FOXN3: variants seen among roughly 807,000 people sequenced by gnomAD.
The protein encoded by FOXN3 is forkhead box N3.
In FOXN3, 7 loss-of-function variants were observed where a neutral mutation model predicts 38.4. The ratio of observed to expected loss-of-function variants is 0.18; its 90% confidence interval spans 0.10 to 0.34. FOXN3 has a LOEUF of 0.34. Among genes scored for constraint, FOXN3 ranks in the 10% least tolerant of loss-of-function variants. The pLI is 1.00. For missense variants in FOXN3, 456 were observed against 613.4 expected, an observed-to-expected ratio of 0.74 and a Z score of 2.71; for synonymous variants, 230 against 242.2, an observed-to-expected ratio of 0.95 and a Z score of 0.47.
At chr14:89,257,505 G>A (rs1029962742) in intron 4 of FOXN3, among the ~76,000 whole-genome samples, 5 of 152,168 alleles carry the variant, frequency 3.3e-5, no homozygotes. Flanking sequence ...TGTATAATCC[G>A]ATCCTGTGGG....
At chr14:89,447,174 C>G (rs529853274) in intron 1 of FOXN3, among the ~76,000 whole-genome samples, 4 of 137,498 alleles carry the variant, frequency 2.9e-5, no homozygotes, top group African/African-American at 5.5e-5. Context: ...CCAGCCTGGA[C>G]AACAAGAGCA....
At chr14:89,299,927 T>C (rs1354066289) in intron 3 of FOXN3, among the ~76,000 whole-genome samples, 1 of 152,242 alleles carries the variant, frequency 6.6e-6, no homozygotes, top group African/African-American at 2.4e-5. Context: ...AGTAAAAATA[T>C]CATTTCAACT....
At chr14:89,448,125 T>TAC in intron 1 of FOXN3, among the ~76,000 whole-genome samples, 1 of 152,162 alleles carries the variant, frequency 6.6e-6, no homozygotes, top group Admixed American at 6.5e-5. Flanking sequence ...CCTTTCTTCT[T>TAC]ACATGTACAC....
intron 4 of FOXN3, among the ~76,000 whole-genome samples, chr14:89,219,536 C>T (rs958717317): frequency 1.3e-5 from 2 of 152,168 alleles, no homozygotes; most frequent in African/African-American, 2.4e-5. Flanking sequence ...TTCCTTAGCC[C>T]GTGTTCCCCG....
chr14:89,428,696 T>C (rs1174386742), intron 1 of FOXN3, among the ~76,000 whole-genome samples: 1 of 152,164 alleles, frequency 6.6e-6, no homozygotes, highest in East Asian at 1.9e-4. Context: ...CTGCCCACGT[T>C]GGTGACGGCA....
In FOXN3 at chr14:89,162,670, T is replaced by C. The variant is rs1887134218; in HGVS notation, c.1151A>G (p.Lys384Arg). ...GTACCCGCTGTCCCCCAGAGAATCCTTGGGCTCCTTCTGGCTGTGCTTCCT... is the reference window on the plus strand; with the variant it reads ...GTACCCGCTGTCCCCCAGAGAATCCCTGGGCTCCTTCTGGCTGTGCTTCCT... ...DDRKHSQKEP[K>R]DSLGDSGYAS... The change falls in exon 6 of 6, where the codon AAG becomes AGG. Residue 384 changes from lysine to arginine, a missense_variant. Around this residue, in one of 3 missense-constraint regions of FOXN3, gnomAD observed 386 missense variants for 505.2 expected, o/e 0.76. Transcript: ENST00000557258. The surrounding 1 kb of genome is among the most constrained non-coding windows in gnomAD (Gnocchi z 7.2). The C allele has an allele frequency of 6.2e-7, 1 of 1,614,082 alleles. No homozygotes were observed. The highest frequency in any genetic ancestry group is 8.5e-7 in the Non-Finnish European group (1 of 1,179,986).
chr14:89,314,377 C>A (rs1274355714), intron 3 of FOXN3, among the ~76,000 whole-genome samples: 1 of 152,146 alleles, frequency 6.6e-6, no homozygotes, highest in Non-Finnish European at 1.5e-5. Context: ...GGGTCTTTGG[C>A]AGTGAGTGTT....
chr14:89,390,224 TAA>T (rs34247933), intron 2 of FOXN3, among the ~76,000 whole-genome samples: 18,131 of 141,736 alleles, frequency 0.13, 1,370 homozygotes, highest in East Asian at 0.36. Flanking sequence ...AGACTCCCTT[TAA>T]AAAAAAAAAA....
chr14:89,399,635 A>C (rs1891194951), intron 2 of FOXN3, among the ~76,000 whole-genome samples: 1 of 152,188 alleles, frequency 6.6e-6, no homozygotes, highest in African/African-American at 2.4e-5. Context: ...TCCCTCTTGT[A>C]ATCTATTTCA....
chr14:89,176,692 G>A (rs924379141), intron 5 of FOXN3, among the ~76,000 whole-genome samples: 1 of 152,206 alleles, frequency 6.6e-6, no homozygotes, highest in African/African-American at 2.4e-5. Flanking sequence ...AAATTATGAT[G>A]AATGTGAAAA....
chr14:89,217,013 A>T (rs1444403634), intron 4 of FOXN3, among the ~76,000 whole-genome samples: 1 of 152,198 alleles, frequency 6.6e-6, no homozygotes, highest in Non-Finnish European at 1.5e-5. Context: ...ATTCTGTTGA[A>T]GATAACTCTT....
chr14:89,472,443 G>A lies in FOXN3; in HGVS notation c.-14-59953C>T, dbSNP rs183175983. ...TGCATTAAGATAGATTGTGCAGGCC[G>A]GGCGCGGTGGCTCACGCCTGTAATC... is the stretch of plus-strand genomic sequence containing the variant. On this transcript the variant is annotated intron_variant, in intron 1 of 6. Transcript: ENST00000345097. Among the ~76,000 whole-genome samples the A allele has an allele frequency of 5.7e-3, 858 of 151,002 alleles. 5 individuals carry two copies. The highest frequency in any genetic ancestry group is 6.8e-3 in the Non-Finnish European group (462 of 67,678).
chr14:89,362,519 TCTCTACGACCACCA>T (rs1566968181), intron 2 of FOXN3, among the ~76,000 whole-genome samples: 3 of 144 alleles, frequency 0.021, 1 homozygote, highest in African/African-American at 0.037. Flanking sequence ...ACCACCACCA[TCTCTACGACCACCA>T]CCACCACCAT....
At chr14:89,528,376 CTTT>C (rs55935162) in intron 1 of FOXN3, among the ~76,000 whole-genome samples, 212 of 53,472 alleles carry the variant, frequency 4.0e-3, no homozygotes, top group African/African-American at 0.012. Context: ...ATGGATGAAT[CTTT>C]TTTTTTTTTT....
At chr14:89,607,983 A>T (rs1294654855) in intron 1 of FOXN3, among the ~76,000 whole-genome samples, 1 of 140,820 alleles carries the variant, frequency 7.1e-6, no homozygotes, top group Non-Finnish European at 1.5e-5. Flanking sequence ...CACCCAGCTA[A>T]TTTTTTTTTT....
At chr14:89,171,039 C>T (rs1254026091) in intron 5 of FOXN3, among the ~76,000 whole-genome samples, 2 of 148,016 alleles carry the variant, frequency 1.4e-5, no homozygotes, top group Non-Finnish European at 3.0e-5. Flanking sequence ...CAAAGTAGAG[C>T]TAATTTAAAA....
At chr14:89,232,182 C>A (rs1359921893) in intron 4 of FOXN3, among the ~76,000 whole-genome samples, 1 of 152,210 alleles carries the variant, frequency 6.6e-6, no homozygotes, top group Non-Finnish European at 1.5e-5. Flanking sequence ...CTGCTAGTAA[C>A]CTGGGCAGAA....
At chr14:89,531,120 T>A (rs1485909986) in intron 1 of FOXN3, among the ~76,000 whole-genome samples, 1 of 148,534 alleles carries the variant, frequency 6.7e-6, no homozygotes, top group East Asian at 1.9e-4. Context: ...CACACACACA[T>A]AATATATATA....
chr14:89,219,977 G>C (rs1191543099), intron 4 of FOXN3, among the ~76,000 whole-genome samples: 2 of 152,104 alleles, frequency 1.3e-5, no homozygotes, highest in Non-Finnish European at 2.9e-5. Context: ...GTCTGCAGTT[G>C]ACTATTTTTT....
Sources: gnomAD v4.1 joint callset for allele counts (sites outside exome capture counted in the v4.1 genomes callset) on GRCh38, gnomAD v4.1.1 for gene constraint, gnomAD v4.1.1 regional missense constraint, Gnocchi (gnomAD v3.1) non-coding constraint, MANE v1.5 for transcripts, NCBI Gene and HGNC (gene_info 2026-07-23, HGNC 2026-07-21) for gene names.